Variants in OPCML observed in about 807,000 individuals in gnomAD.
The protein encoded by OPCML is opioid-binding protein/cell adhesion molecule.
A neutral mutation model predicts 37.8 loss-of-function variants in OPCML; 13 were observed. That is an observed-to-expected ratio of 0.34 (90% CI 0.22 to 0.55). The LOEUF (loss-of-function observed/expected upper bound fraction) is 0.55, where lower values mean the gene tolerates loss of function less well. Among genes scored for constraint, OPCML ranks in the 20% least tolerant of loss-of-function variants. The probability of loss-of-function intolerance (pLI) is 0.91; values close to 1 mark genes in which losing one functional copy is unlikely to be tolerated. For missense variants in OPCML, 341 were observed against 435.6 expected (o/e 0.78, Z 1.93); for synonymous variants, 176 against 168.8 (o/e 1.04, Z -0.33).
intron 1 of OPCML, among the ~76,000 whole-genome samples, chr11:133,322,269 G>T (rs528987331): frequency 5.9e-5 from 9 of 152,268 alleles, no homozygotes; most frequent in Admixed American, 4.6e-4. Context: ...GGGCAGAGAT[G>T]AATTAAAGGT....
At chr11:133,321,666 T>G (rs572901749) in intron 1 of OPCML, among the ~76,000 whole-genome samples, 1 of 152,318 alleles carries the variant, frequency 6.6e-6, no homozygotes, top group East Asian at 1.9e-4. Context: ...TCTAACTGCC[T>G]GTGCAGCAAA....
At chr11:133,128,526 A>G (rs1170719359) in intron 1 of OPCML, among the ~76,000 whole-genome samples, 1 of 152,198 alleles carries the variant, frequency 6.6e-6, no homozygotes. Flanking sequence ...CCTCATGTGT[A>G]GGGCATGGCT....
chr11:133,526,085 G>T (rs557286194), intron 1 of OPCML, among the ~76,000 whole-genome samples: 1 of 152,242 alleles, frequency 6.6e-6, no homozygotes, highest in Non-Finnish European at 1.5e-5. Context: ...GGTCTGGGGT[G>T]GGGGTGGCGA....
At position 132,436,195 on chromosome 11, in the gene OPCML, G is replaced by T. The variant is rs752259965; in HGVS notation, c.807C>A (p.Gly269=). The change falls in exon 7 of 8, where the codon GGC becomes GGA. Residue 269 remains glycine, a synonymous_variant. Coordinates refer to ENST00000524381, the MANE Select transcript of OPCML (RefSeq NM_001012393.5). ...GLDGMRIENK[G]RMSTLTFFNV... ...TGAAGAAAGTCAGAGTGGACATGCG[G>T]CCTTTGTTTTCAATCCTCATTCCAT... The T allele has an allele frequency of 6.2e-7, 1 of 1,614,206 alleles. No homozygotes were observed. The highest frequency in any genetic ancestry group is 8.5e-7 in the Non-Finnish European group (1 of 1,180,040).
At chr11:133,297,787 T>C (rs892954761) in intron 1 of OPCML, 1 of 152,196 alleles carries the variant, frequency 6.6e-6, no homozygotes, top group Admixed American at 6.5e-5. Flanking sequence ...AAAAAACATA[T>C]GCCTGGCTCT....
chr11:132,878,466 T>C (rs541595389), intron 2 of OPCML, among the ~76,000 whole-genome samples: 1 of 152,328 alleles, frequency 6.6e-6, no homozygotes, highest in East Asian at 1.9e-4. Context: ...GGGCTTTGGC[T>C]GGGACATCAG....
intron 3 of OPCML, among the ~76,000 whole-genome samples, chr11:132,567,696 G>A (rs78602219): frequency 6.6e-6 from 1 of 152,290 alleles, no homozygotes; most frequent in East Asian, 1.9e-4. Context: ...AGAGAATTGG[G>A]TAATGTTTTA....
At chr11:132,681,054 T>C (rs972094132) in intron 2 of OPCML, among the ~76,000 whole-genome samples, 7 of 152,172 alleles carry the variant, frequency 4.6e-5, no homozygotes, top group African/African-American at 1.7e-4. Flanking sequence ...TTCCTAAGCC[T>C]GAAGGACAAG....
chr11:132,614,314 C>T (rs1038125817), intron 3 of OPCML, among the ~76,000 whole-genome samples: 1 of 152,120 alleles, frequency 6.6e-6, no homozygotes, highest in Non-Finnish European at 1.5e-5. Flanking sequence ...TTGATGAAGC[C>T]CTGTCACCAT....
chr11:132,438,660 T>C (rs7934060), intron 4 of OPCML, among the ~76,000 whole-genome samples: 337 of 149,060 alleles, frequency 2.3e-3, no homozygotes, highest in African/African-American at 7.8e-3. Context: ...GGGTATAGGG[T>C]GTGCAGCAGA....
chr11:132,560,462 C>T lies in OPCML; in HGVS notation c.380-31276G>A, dbSNP rs529601240. 8.3e-4 allele frequency among the ~76,000 whole-genome samples: 127 copies of T among 152,310 alleles called. 2 individuals are homozygous for T. The South Asian group carries it at 0.025, about 30-fold the overall frequency. On this transcript the variant is annotated intron_variant, in intron 3 of 7. Coordinates refer to ENST00000524381, the MANE Select transcript of OPCML (RefSeq NM_001012393.5). ...GATTTTGGTGCATCCATCACCCAAG[C>T]AGTGTGCACAGTACCCAATGTGTAG...
intron 1 of OPCML, among the ~76,000 whole-genome samples, chr11:133,289,723 G>C (rs935571218): frequency 3.9e-5 from 6 of 152,164 alleles, no homozygotes; most frequent in African/African-American, 1.2e-4. Flanking sequence ...TGAGACAGCG[G>C]TGCTGAACTG....
chr11:132,886,013 C>T (rs1943399454), intron 2 of OPCML, among the ~76,000 whole-genome samples: 1 of 152,032 alleles, frequency 6.6e-6, no homozygotes, highest in Non-Finnish European at 1.5e-5. Context: ...CATACTTTTC[C>T]ACTAGCTTTT....
At chr11:132,864,013 C>G (rs1942417997) in intron 2 of OPCML, among the ~76,000 whole-genome samples, 1 of 152,162 alleles carries the variant, frequency 6.6e-6, no homozygotes, top group Non-Finnish European at 1.5e-5. Context: ...TCTCAGCTGA[C>G]TGCAACCGCC....
chr11:133,376,471 C>A lies in OPCML; in HGVS notation c.61+155793G>T, dbSNP rs1027557113. On this transcript the variant is annotated intron_variant, in intron 1 of 7. Coordinates refer to ENST00000524381, the MANE Select transcript of OPCML (RefSeq NM_001012393.5). ...AAAGATGCCCATATACATTAAAAGTCCCCTCAAAATTACAAAAATATAATA... is the reference window on the plus strand; with the variant it reads ...AAAGATGCCCATATACATTAAAAGTACCCTCAAAATTACAAAAATATAATA... Among the ~76,000 whole-genome samples, 7 of 152,144 alleles carry A rather than the reference C, an allele frequency of 4.6e-5. 1 individual carries two copies.
chr11:132,595,498 T>C (rs1286413987), intron 3 of OPCML, among the ~76,000 whole-genome samples: 25 of 152,164 alleles, frequency 1.6e-4, no homozygotes. Context: ...AAGTTTCCAT[T>C]AATGAAAACT....
intron 2 of OPCML, among the ~76,000 whole-genome samples, chr11:132,896,141 A>C (rs2136479111): frequency 6.6e-6 from 1 of 152,294 alleles, no homozygotes; most frequent in Admixed American, 6.5e-5. Flanking sequence ...AGCCACTGTG[A>C]GTGAGCTGGA....
At position 133,008,092 on chromosome 11, in the gene OPCML, G is replaced by C. The variant is rs1228911070; in HGVS notation, c.62-65082C>G. 6.1e-6 allele frequency: 6 copies of C among 985,420 alleles called. No homozygotes were observed. The East Asian group carries it at 5.7e-4, about 93-fold the overall frequency. 61.0% of individuals were successfully genotyped at this position (985,420 alleles called of 1,614,324 possible). ...ATTGGAAGCTCTTGGATTCTCCAAG[G>C]TTTTCACCTTCTACTATGGATCTTC... is the stretch of plus-strand genomic sequence containing the variant. On this transcript the variant is annotated intron_variant, in intron 1 of 7. Coordinates refer to ENST00000524381, the MANE Select transcript of OPCML (RefSeq NM_001012393.5).
chr11:132,527,671 G>A (rs536285329), intron 4 of OPCML, among the ~76,000 whole-genome samples: 2 of 152,110 alleles, frequency 1.3e-5, no homozygotes, highest in East Asian at 1.9e-4. Flanking sequence ...TGTCTCCACC[G>A]AAGGTTTTTA....
Sources: allele counts gnomAD v4.1 joint callset (sites outside exome capture counted in the v4.1 genomes callset), GRCh38; gene constraint gnomAD v4.1.1; transcripts MANE v1.5; gene names NCBI Gene and HGNC (gene_info 2026-07-23, HGNC 2026-07-21).